IL1RAP: variants seen among roughly 807,000 people sequenced by gnomAD.
IL1RAP encodes interleukin-1 receptor accessory protein.
In IL1RAP, 35 loss-of-function variants were observed where a neutral mutation model predicts 60.7. The observed-to-expected ratio is 0.58, with a 90% CI of 0.44 to 0.76. The LOEUF (loss-of-function observed/expected upper bound fraction) is 0.76, where lower values mean the gene tolerates loss of function less well. Ranked by LOEUF, IL1RAP falls within the 30% of genes least tolerant of loss-of-function variation. The pLI is 0.00. For missense variants in IL1RAP, 572 were observed against 693.9 expected, an observed-to-expected ratio of 0.82 and a Z score of 1.97; for synonymous variants, 268 against 250.9, an observed-to-expected ratio of 1.07 and a Z score of -0.64.
intron 2 of IL1RAP, among the ~76,000 whole-genome samples, chr3:190,561,473 T>C (rs1005503492): frequency 3.3e-5 from 5 of 152,188 alleles, no homozygotes; most frequent in Non-Finnish European, 4.4e-5. Flanking sequence ...GACCTGACTC[T>C]TTGCTGCCTT....
At chr3:190,523,536 A>G (rs940672168) in intron 1 of IL1RAP, among the ~76,000 whole-genome samples, 7 of 151,798 alleles carry the variant, frequency 4.6e-5, no homozygotes, top group Non-Finnish European at 1.0e-4. Flanking sequence ...ATCACCCTCC[A>G]ATGGGCCCCA....
At chr3:190,610,088 C>T (rs1049210730) in intron 5 of IL1RAP, among the ~76,000 whole-genome samples, 1 of 151,864 alleles carries the variant, frequency 6.6e-6, no homozygotes, top group Non-Finnish European at 1.5e-5. Context: ...TGACCAGCCA[C>T]GTTGAGGAGA....
intron 9 of IL1RAP, among the ~76,000 whole-genome samples, chr3:190,631,166 T>C (rs1732759552): frequency 6.6e-6 from 1 of 152,200 alleles, no homozygotes. Flanking sequence ...TTCATATGTA[T>C]TTGACTCCAG....
chr3:190,533,959 T>C (rs1723208770), intron 1 of IL1RAP, among the ~76,000 whole-genome samples: 2 of 152,106 alleles, frequency 1.3e-5, no homozygotes, highest in Non-Finnish European at 2.9e-5. Flanking sequence ...CTCCTTTTTT[T>C]TTTTCTTCTA....
intron 9 of IL1RAP, among the ~76,000 whole-genome samples, chr3:190,639,518 A>T (rs1432795133): frequency 2.0e-5 from 3 of 152,136 alleles, no homozygotes; most frequent in Non-Finnish European, 4.4e-5. Flanking sequence ...TCATGGTTTT[A>T]AAAAAATTGA....
rs1458381397 is a variant in IL1RAP, at chr3:190,651,071, A to G, written c.*2366A>G. 1.2e-5 allele frequency: 12 copies of G among 964,636 alleles called. No individual in the cohort carries two copies. The Admixed American group carries it at 7.4e-4, about 60-fold the overall frequency. 59.8% of individuals were successfully genotyped at this position (964,636 alleles called of 1,614,324 possible). On this transcript the variant is annotated 3_prime_UTR_variant, in exon 12 of 12. Coordinates refer to ENST00000447382, the MANE Select transcript of IL1RAP (RefSeq NM_002182.4). Reference sequence around the variant, plus strand: ...TCATTGCAAGAGAATTTGTTTCAAGATTTTTTTTTAATGTTCCAGAAGATG... The same window carrying G: ...TCATTGCAAGAGAATTTGTTTCAAGGTTTTTTTTTAATGTTCCAGAAGATG...
intron 5 of IL1RAP, 151 bp from the exon 6 acceptor site, chr3:190,620,124 T>C (rs1445012410): frequency 1.0e-5 from 5 of 490,452 alleles, no homozygotes; most frequent in Non-Finnish European, 1.8e-5. Context: ...CGCAGAAATC[T>C]TGTCAAATAC....
chr3:190,634,958 G>A (rs963047881), intron 9 of IL1RAP, among the ~76,000 whole-genome samples: 3 of 152,124 alleles, frequency 2.0e-5, no homozygotes, highest in South Asian at 2.1e-4. Context: ...CTTGTGATCC[G>A]CCCGCCTAGG....
chr3:190,603,029 AGTTT>A (rs1729991836), intron 3 of IL1RAP, among the ~76,000 whole-genome samples: 1 of 152,068 alleles, frequency 6.6e-6, no homozygotes. Flanking sequence ...CTTTAAAAGA[AGTTT>A]GTTTTTTTTT....
At chr3:190,523,810 A>G in intron 1 of IL1RAP, among the ~76,000 whole-genome samples, 1 of 152,160 alleles carries the variant, frequency 6.6e-6, no homozygotes. Flanking sequence ...GCTATTGTGA[A>G]TAGTGCTCAG....
intron 1 of IL1RAP, among the ~76,000 whole-genome samples, chr3:190,547,346 G>A (rs1297478677): frequency 6.6e-6 from 1 of 152,152 alleles, no homozygotes; most frequent in African/African-American, 2.4e-5. Context: ...CCAGACTATG[G>A]GACTGGTGGG....
At chr3:190,567,371 G>T (rs1331274543) in intron 3 of IL1RAP, among the ~76,000 whole-genome samples, 1 of 152,128 alleles carries the variant, frequency 6.6e-6, no homozygotes, top group Non-Finnish European at 1.5e-5. Context: ...TAATAATAAA[G>T]CTCCCTTTGC....
At chr3:190,597,555 A>G (rs1432406470) in intron 3 of IL1RAP, among the ~76,000 whole-genome samples, 1 of 152,148 alleles carries the variant, frequency 6.6e-6, no homozygotes, top group Non-Finnish European at 1.5e-5. Context: ...AGAGAGCATC[A>G]GAGATTATGC....
chr3:190,583,621 G>A (rs1234582489), intron 3 of IL1RAP, among the ~76,000 whole-genome samples: 4 of 152,196 alleles, frequency 2.6e-5, no homozygotes, highest in Non-Finnish European at 5.9e-5. Context: ...GAAGTGGTTA[G>A]TATCATAAGA....
intron 3 of IL1RAP, among the ~76,000 whole-genome samples, chr3:190,572,095 G>A (rs1726978303): frequency 6.6e-6 from 1 of 152,136 alleles, no homozygotes; most frequent in South Asian, 2.1e-4. Flanking sequence ...CTTATCTGAT[G>A]ACCAGATGCA....
At chr3:190,543,845 C>T (rs1468014436) in intron 1 of IL1RAP, among the ~76,000 whole-genome samples, 1 of 152,186 alleles carries the variant, frequency 6.6e-6, no homozygotes, top group Non-Finnish European at 1.5e-5. Flanking sequence ...GGAAGTAGCA[C>T]TAGGATATGA....
intron 3 of IL1RAP, among the ~76,000 whole-genome samples, chr3:190,594,117 C>T (rs1729180074): frequency 6.6e-6 from 1 of 152,110 alleles, no homozygotes; most frequent in Non-Finnish European, 1.5e-5. Context: ...AAACTAATTC[C>T]TTTCCAAGTT....
intron 9 of IL1RAP, among the ~76,000 whole-genome samples, chr3:190,636,015 G>A (rs1368536042): frequency 2.0e-5 from 3 of 152,150 alleles, no homozygotes; most frequent in Non-Finnish European, 4.4e-5. Context: ...CCACAGTGCT[G>A]CACACTTGAT....
chr3:190,595,424 C>T (rs1005072786), intron 3 of IL1RAP, among the ~76,000 whole-genome samples: 1 of 152,198 alleles, frequency 6.6e-6, no homozygotes, highest in Non-Finnish European at 1.5e-5. Context: ...TGATTTCCTC[C>T]TTGTCTTCGT....
Sources: allele counts gnomAD v4.1 joint callset (sites outside exome capture counted in the v4.1 genomes callset), GRCh38; gene constraint gnomAD v4.1.1; transcripts MANE v1.5; gene names NCBI Gene and HGNC (gene_info 2026-07-23, HGNC 2026-07-21).